The following EIF3E variants were observed in gnomAD, a reference collection of about 807,000 sequenced individuals.
EIF3E encodes the protein eukaryotic translation initiation factor 3 subunit E, also known as eIF-3 p48.
EIF3E carries 25 observed loss-of-function variants against 59.3 expected under a neutral mutation model. The ratio of observed to expected loss-of-function variants is 0.42; its 90% CI spans 0.31 to 0.59. EIF3E has a LOEUF of 0.59. Ranked by LOEUF, EIF3E falls within the 20% of genes least tolerant of loss-of-function variation. The pLI, the probability that EIF3E is intolerant of heterozygous loss-of-function variation, is 0.15. For synonymous variants in EIF3E, 176 were observed against 170.2 expected (o/e 1.03, Z -0.26); for missense variants, 317 against 534.3 (o/e 0.59, Z 4.01).
Position 108,203,440 on chromosome 8 carries a change from A to G in EIF3E, c.1125T>C (p.Ile375=), listed in dbSNP as rs775493799. The G allele has an allele frequency of 1.9e-6, 3 of 1,612,624 alleles. No homozygotes were observed. Among genetic ancestry groups the G allele is most frequent in the African/African-American group, 2.7e-5 (2 of 74,864 alleles). ...TCTTGGCATCCAGTCTTGCATTTCT[A>G]ATCAAATTTACAATCCACCTTTCAG... is the stretch of plus-strand genomic sequence containing the variant. ...EEAERWIVNL[I]RNARLDAKID... is the part of the protein sequence containing the mutation. Residue 375 remains isoleucine, a synonymous_variant, in exon 11 of 13, where the codon ATT becomes ATC. Transcript: ENST00000220849.
intron 10 of EIF3E, among the ~76,000 whole-genome samples, chr8:108,204,721 T>G (rs1359560168): frequency 8.2e-6 from 1 of 122,118 alleles, no homozygotes; most frequent in African/African-American, 2.9e-5. Context: ...ATACTATATA[T>G]AGTATGTATG....
intron 10 of EIF3E, among the ~76,000 whole-genome samples, chr8:108,209,669 C>T (rs1203231423): frequency 3.3e-5 from 5 of 152,096 alleles, no homozygotes; most frequent in Non-Finnish European, 7.4e-5. Flanking sequence ...AGTTAGGTTG[C>T]TAGTAATTAA....
chr8:108,233,650 TG>T, intron 5 of EIF3E: 1 of 409,408 alleles, frequency 2.4e-6, no homozygotes, highest in Admixed American at 2.7e-5. Flanking sequence ...GAGATCAGCC[TG>T]GGCAACATAG....
intron 7 of EIF3E, among the ~76,000 whole-genome samples, chr8:108,226,811 AC>A (rs1403032297): frequency 1.3e-5 from 2 of 152,176 alleles, no homozygotes; most frequent in Non-Finnish European, 2.9e-5. Flanking sequence ...ACAAAGCAAA[AC>A]CCCCCATGAT....
At position 108,204,738 on chromosome 8, in the gene EIF3E, T is replaced by TAC. The variant is rs1361577940; in HGVS notation, c.1062-1236_1062-1235insGT. Among the ~76,000 whole-genome samples the TAC allele has an allele frequency of 8.8e-4, 89 of 101,382 alleles. 1 individual carries two copies. The highest frequency in any genetic ancestry group is 3.4e-3 in the African/African-American group (78 of 22,746). The allele number at this position is 101,382 out of a possible 152,430, so 66.5% of individuals were successfully genotyped here. A position where few individuals can be genotyped will look rare whatever the true frequency, so the allele number is the denominator to read the frequency against. ...ACTATATATAGTATGTATGTATATA[T>TAC]ATATATATAGAGAGAGAGAGAGAGA... On this transcript the variant is annotated intron_variant, in intron 10 of 12. Coordinates refer to ENST00000220849, the MANE Select transcript of EIF3E (RefSeq NM_001568.3).
intron 3 of EIF3E, among the ~76,000 whole-genome samples, chr8:108,238,539 G>A (rs1400372423): frequency 6.6e-6 from 1 of 151,702 alleles, no homozygotes; most frequent in Non-Finnish European, 1.5e-5. Flanking sequence ...TTGTAGTATT[G>A]TTATTTTTTA....
At chr8:108,207,882 T>C (rs965337263) in intron 10 of EIF3E, among the ~76,000 whole-genome samples, 6 of 152,174 alleles carry the variant, frequency 3.9e-5, no homozygotes, top group Admixed American at 1.3e-4. Context: ...AAATACTTTG[T>C]TTCCAGGAAG....
chr8:108,210,323 G>GAA (rs748670939), intron 10 of EIF3E, among the ~76,000 whole-genome samples: 5 of 152,122 alleles, frequency 3.3e-5, no homozygotes, highest in African/African-American at 7.2e-5. Flanking sequence ...CTGCATCACA[G>GAA]AGATTTTGAT....
intron 7 of EIF3E, among the ~76,000 whole-genome samples, chr8:108,221,806 G>GCACACACA (rs71281606): frequency 2.7e-5 from 4 of 149,810 alleles, no homozygotes; most frequent in Admixed American, 1.3e-4. Flanking sequence ...ACACACACAC[G>GCACACACA]CACACACACA....
intron 7 of EIF3E, 180 bp downstream of exon 7, chr8:108,228,087 C>A: frequency 1.7e-6 from 1 of 582,486 alleles, no homozygotes; most frequent in Non-Finnish European, 2.8e-6. Flanking sequence ...TACACTCTGT[C>A]AAATAGTTTA....
At chr8:108,233,718 A>G in intron 5 of EIF3E, 1 of 351,112 alleles carries the variant, frequency 2.8e-6, no homozygotes, top group South Asian at 2.2e-5. Context: ...GGTGATGCAC[A>G]CTTGTAGTCC....
At chr8:108,234,855 T>A in intron 5 of EIF3E, 143 bp downstream of exon 5, 1 of 440,352 alleles carries the variant, frequency 2.3e-6, no homozygotes. Flanking sequence ...TGGGAGGGTT[T>A]TCTTTACTTT....
At chr8:108,234,460 A>T (rs2129908682) in intron 5 of EIF3E, 1 of 152,276 alleles carries the variant, frequency 6.6e-6, no homozygotes, top group Non-Finnish European at 1.5e-5. Flanking sequence ...ACTCATCTAT[A>T]CCCCACGTAA....
intron 1 of EIF3E, among the ~76,000 whole-genome samples, chr8:108,243,740 T>C (rs969907535): frequency 3.9e-5 from 6 of 152,096 alleles, no homozygotes; most frequent in African/African-American, 1.2e-4. Flanking sequence ...AAAAAATATG[T>C]ATCATTGACC....
intron 7 of EIF3E, among the ~76,000 whole-genome samples, chr8:108,218,433 T>C (rs531655120): frequency 2.0e-5 from 3 of 152,266 alleles, no homozygotes; most frequent in South Asian, 2.1e-4. Context: ...TATTATATTA[T>C]AGATTCCCAC....
chr8:108,231,864 GC>G (rs1586205173), intron 5 of EIF3E: 2 of 150,480 alleles, frequency 1.3e-5, no homozygotes, highest in Non-Finnish European at 3.0e-5. Context: ...TTTTTTAAGG[GC>G]AGATTCTAGG....
intron 12 of EIF3E, 38 bp downstream of exon 12, chr8:108,202,945 C>A: frequency 1.3e-6 from 2 of 1,577,274 alleles, no homozygotes; most frequent in Non-Finnish European, 1.7e-6. Context: ...TACATGGTTG[C>A]TAAACCCCAG....
intron 7 of EIF3E, chr8:108,227,237 T>C (rs942520075): frequency 6.6e-6 from 1 of 152,136 alleles, no homozygotes; most frequent in Admixed American, 6.6e-5. Context: ...CGGGGGAGGA[T>C]GGCTTGAGCC....
chr8:108,240,091 G>A lies in EIF3E; in HGVS notation c.206-16C>T, dbSNP rs374120835. Reference sequence around the variant, plus strand: ...TCTCTCAAAGCTAATTAAAAATGCAGAAGAGCACTACAATGTTAAGGAATG... The same window carrying A: ...TCTCTCAAAGCTAATTAAAAATGCAAAAGAGCACTACAATGTTAAGGAATG... On this transcript the variant is annotated splice_polypyrimidine_tract_variant and intron_variant, in intron 2 of 12. Coordinates refer to ENST00000220849, the MANE Select transcript of EIF3E (RefSeq NM_001568.3). The A allele has an allele frequency of 3.8e-6, 6 of 1,576,848 alleles. No homozygotes were observed. Among genetic ancestry groups the A allele is most frequent in the Non-Finnish European group, 5.2e-6 (6 of 1,146,256 alleles).
Sources: gnomAD v4.1 joint callset for allele counts (sites outside exome capture counted in the v4.1 genomes callset) on GRCh38, gnomAD v4.1.1 for gene constraint, MANE v1.5 for transcripts, NCBI Gene and HGNC (gene_info 2026-07-23, HGNC 2026-07-21) for gene names.